Variants in INTS9 observed in about 807,000 individuals in gnomAD.
The protein encoded by INTS9 is integrator complex subunit 9, also known as protein related to CPSF subunits of 74 kDa.
Under a neutral mutation model 79.7 loss-of-function variants are expected in INTS9, and 55 were observed. The observed-to-expected ratio is 0.69, with a 90% CI of 0.56 to 0.86. INTS9 has a LOEUF of 0.86. Ranked by LOEUF, INTS9 falls within the 40% of genes least tolerant of loss-of-function variation. The pLI is 0.00. For missense variants in INTS9, 721 were observed against 831.5 expected (o/e 0.87, Z 1.64); for synonymous variants, 319 against 325.2 (o/e 0.98, Z 0.20).
At position 28,812,445 on chromosome 8, in the gene INTS9, A is replaced by G; in HGVS notation, c.626T>C (p.Val209Ala). The G allele has an allele frequency of 6.2e-7, 1 of 1,613,898 alleles. No individual in the cohort carries two copies. Among genetic ancestry groups the G allele is most frequent in the Non-Finnish European group, 8.5e-7 (1 of 1,179,920 alleles). ...YSQKIELFGA[V>A]QVTPLSSGYA... Reference sequence around the variant, plus strand: ...GCCAGAGCTCAGAGGAGTCACCTGGACCGCACCAAAAAGCTCCTAAAAGAG... The same window carrying G: ...GCCAGAGCTCAGAGGAGTCACCTGGGCCGCACCAAAAAGCTCCTAAAAGAG... Residue 209 changes from valine (V) to alanine (A), a missense_variant, in exon 8 of 17, where the codon GTC becomes GCC. Transcript: ENST00000521022.
intron 11 of INTS9, among the ~76,000 whole-genome samples, chr8:28,784,168 T>G (rs534439101): frequency 3.8e-4 from 58 of 152,324 alleles, no homozygotes; most frequent in African/African-American, 1.4e-3. Context: ...CCTCATGCCC[T>G]AACAACGACA....
At chr8:28,855,975 T>TTTGGTATTTTAACC (rs1326772986) in intron 2 of INTS9, among the ~76,000 whole-genome samples, 7 of 152,166 alleles carry the variant, frequency 4.6e-5, no homozygotes, top group African/African-American at 1.7e-4. Context: ...AAAATGCCAA[T>TTTGGTATTTTAACC]AAATTGGTAA....
chr8:28,875,140 G>A (rs949156496), intron 1 of INTS9, among the ~76,000 whole-genome samples: 3 of 152,248 alleles, frequency 2.0e-5, no homozygotes, highest in African/African-American at 7.2e-5. Context: ...CCCACAACAC[G>A]TGGGGATTAT....
intron 1 of INTS9, among the ~76,000 whole-genome samples, chr8:28,878,490 A>T (rs948834810): frequency 1.9e-4 from 29 of 151,878 alleles, no homozygotes; most frequent in African/African-American, 6.3e-4. Flanking sequence ...AAAAAAAAAA[A>T]AATTGTTTTT....
intron 8 of INTS9, among the ~76,000 whole-genome samples, chr8:28,805,820 A>T (rs1563263208): frequency 6.6e-6 from 1 of 152,198 alleles, no homozygotes; most frequent in Non-Finnish European, 1.5e-5. Flanking sequence ...TTCTAAAGGA[A>T]GGCAAGAAAG....
At chr8:28,785,295 A>G (rs779531023) in intron 11 of INTS9, among the ~76,000 whole-genome samples, 1 of 152,218 alleles carries the variant, frequency 6.6e-6, no homozygotes, top group Non-Finnish European at 1.5e-5. Flanking sequence ...CTAGTTCTTC[A>G]TAACATTTTC....
At chr8:28,773,174 A>G (rs567691615) in intron 14 of INTS9, among the ~76,000 whole-genome samples, 1 of 152,288 alleles carries the variant, frequency 6.6e-6, no homozygotes, top group South Asian at 2.1e-4. Context: ...AAAATCTGTG[A>G]AAAAAGGGGC....
chr8:28,799,394 TAACA>T (rs1804401342), intron 8 of INTS9: 2 of 152,296 alleles, frequency 1.3e-5, no homozygotes, highest in Non-Finnish European at 2.9e-5. Context: ...AAATGACCAC[TAACA>T]AACAAACAGA....
chr8:28,793,807 C>A lies in INTS9; in HGVS notation c.1037G>T (p.Trp346Leu). 6.3e-7 allele frequency: 1 copy of A among 1,580,188 alleles called. No individual in the cohort carries two copies. Among genetic ancestry groups the A allele is most frequent in the Non-Finnish European group, 8.6e-7 (1 of 1,164,508 alleles). Residue 346 changes from tryptophan (W) to leucine (L), a missense_variant and splice_region_variant, in exon 10 of 17, where the codon TGG becomes TTG. Around this residue, in one of 3 missense-constraint regions of INTS9, gnomAD observed 149 missense variants for 223.7 expected, o/e 0.67. Coordinates refer to ENST00000521022, the MANE Select transcript of INTS9 (RefSeq NM_018250.4). The part of the protein sequence containing the change: ...SLEFSQIFAE[W>L]LCHNKQSKVY... ...AAAAAAAAAAAAACCACGGACATAC[C>A]ACTCAGCAAAGATCTGGGAAAACTC...
At chr8:28,875,627 A>T (rs1473668947) in intron 1 of INTS9, among the ~76,000 whole-genome samples, 1 of 152,124 alleles carries the variant, frequency 6.6e-6, no homozygotes, top group Non-Finnish European at 1.5e-5. Context: ...TCCATTAGCT[A>T]TTCTTCCTGA....
chr8:28,802,492 C>A (rs1804578046), intron 8 of INTS9, among the ~76,000 whole-genome samples: 1 of 152,120 alleles, frequency 6.6e-6, no homozygotes, highest in Non-Finnish European at 1.5e-5. Context: ...AGCTTCAAGG[C>A]CAAAAGTTAT....
chr8:28,859,782 A>C, intron 1 of INTS9: 1 of 613,378 alleles, frequency 1.6e-6, no homozygotes, highest in Non-Finnish European at 3.0e-6. Context: ...GTCTTTTCAC[A>C]GGGTGCCAAG....
intron 1 of INTS9, among the ~76,000 whole-genome samples, chr8:28,871,937 C>A (rs551386138): frequency 1.3e-5 from 2 of 152,148 alleles, no homozygotes; most frequent in East Asian, 3.9e-4. Context: ...GCAAAAAGCA[C>A]AGTCAATTCA....
In INTS9 at chr8:28,858,027, GCCAGGA is replaced by G. The variant is rs1808268265; in HGVS notation, c.137+1403_137+1408del. Among the ~76,000 whole-genome samples the G allele has an allele frequency of 7.2e-5, 11 of 152,280 alleles. No individual in the cohort carries two copies. In the South Asian group the frequency reaches 2.3e-3, roughly 32 times the overall value. On this transcript the variant is annotated intron_variant, in intron 2 of 16. Coordinates refer to ENST00000521022, the MANE Select transcript of INTS9 (RefSeq NM_018250.4). Reference sequence around the variant, plus strand: ...GAGGGAACGAGAATTCCAGTGCTGAGCCAGGACCATGAGAACAGTAGAACTGGGTAA... The same window carrying G: ...GAGGGAACGAGAATTCCAGTGCTGAGCCATGAGAACAGTAGAACTGGGTAA...
At chr8:28,824,680 T>C (rs1806047061) in intron 6 of INTS9, among the ~76,000 whole-genome samples, 1 of 152,184 alleles carries the variant, frequency 6.6e-6, no homozygotes, top group Admixed American at 6.5e-5. Flanking sequence ...CTGCTGCTCC[T>C]GCATCTGTTA....
intron 4 of INTS9, among the ~76,000 whole-genome samples, chr8:28,843,165 C>G (rs1369546649): frequency 6.6e-6 from 1 of 152,194 alleles, no homozygotes; most frequent in African/African-American, 2.4e-5. Flanking sequence ...TTTTGTTGTA[C>G]AAGCCAAAGA....
chr8:28,818,363 G>C lies in INTS9; in HGVS notation c.489-4751C>G, dbSNP rs1028618575. 4.6e-5 allele frequency among the ~76,000 whole-genome samples: 7 copies of C among 150,826 alleles called. No homozygotes were observed. The East Asian group carries it at 5.9e-4, about 13-fold the overall frequency. ...TTTATTGAGAGTTTTTAGCATGAAG[G>C]GTTGTTGAATTTTGTCAAAGGCCTT... On this transcript the variant is annotated intron_variant, in intron 6 of 16. Coordinates refer to ENST00000521022, the MANE Select transcript of INTS9 (RefSeq NM_018250.4).
chr8:28,812,552 CA>C, intron 7 of INTS9, 91 bp from the exon 8 acceptor site: 2 of 1,404,220 alleles, frequency 1.4e-6, no homozygotes, highest in Non-Finnish European at 1.9e-6. Context: ...GAAATATCCT[CA>C]GTTTAAAAAC....
chr8:28,882,499 A>AAAAT (rs1563320199), intron 1 of INTS9, among the ~76,000 whole-genome samples: 25 of 116,410 alleles, frequency 2.1e-4, no homozygotes, highest in African/African-American at 6.4e-4. Flanking sequence ...TAAAATAAAA[A>AAAAT]AAAAAGAAAT....
Sources: allele counts gnomAD v4.1 joint callset (sites outside exome capture counted in the v4.1 genomes callset), GRCh38; gene constraint gnomAD v4.1.1; regional missense constraint gnomAD v4.1.1; transcripts MANE v1.5; gene names NCBI Gene and HGNC (gene_info 2026-07-23, HGNC 2026-07-21).